The following OXT variants were observed in gnomAD, a reference collection of about 807,000 sequenced individuals.
OXT encodes oxytocin/neurophysin I prepropeptide.
OXT carries 9 observed loss-of-function variants against 11.2 expected under a neutral mutation model. The observed-to-expected ratio is 0.80, with a 90% CI of 0.49 to 1.40. The LOEUF is 1.40. Ranked by LOEUF, OXT falls within the 40% of genes most tolerant of loss-of-function variation. The probability of loss-of-function intolerance (pLI) is 0.00; values close to 1 mark genes in which losing one functional copy is unlikely to be tolerated. For synonymous variants in OXT, 76 were observed against 80.9 expected, an observed-to-expected ratio of 0.94 and a Z score of 0.33; for missense variants, 175 against 178.7, an observed-to-expected ratio of 0.98 and a Z score of 0.12.
chr20:3,072,432 C>T lies in OXT; in HGVS notation c.*14C>T, dbSNP rs1346627403. The T allele has an allele frequency of 5.6e-6, 9 of 1,612,300 alleles. No individual in the cohort carries two copies. Among genetic ancestry groups the T allele is most frequent in the East Asian group, 2.2e-5 (1 of 44,886 alleles). On this transcript the variant is annotated 3_prime_UTR_variant, in exon 3 of 3. Coordinates refer to ENST00000217386, the MANE Select transcript of OXT (RefSeq NM_000915.4). ...TCCCAGCGCTGAAACTTGATGGCTC[C>T]GAACACCCTCGAAGCGCGCCACTCG...
At chr20:3,072,038 C>G (rs889163417) in intron 1 of OXT, 39 bp from the exon 2 acceptor site, 1 of 1,481,048 alleles carries the variant, frequency 6.8e-7, no homozygotes, top group Non-Finnish European at 8.9e-7. Context: ...GAGTCCCCAG[C>G]GCCGCCCCGG....
At position 3,072,079 on chromosome 20, in the gene OXT, C is replaced by T. The variant is rs1376330955; in HGVS notation, c.123C>T (p.Cys41=). ...GCTCACCCCGCCCGTCCCCGCAGTG[C>T]CTCCCCTGCGGCCCCGGGGGCAAAG... ...RAAPDLDVRK[C]LPCGPGGKGR... is the part of the protein sequence containing the mutation. The change falls in exon 2 of 3, where the codon TGC becomes TGT. Residue 41 remains cysteine, a splice_region_variant and synonymous_variant. Transcript: ENST00000217386. 9 of 1,527,510 alleles carry T rather than the reference C, an allele frequency of 5.9e-6. No individual in the cohort carries two copies. The highest frequency in any genetic ancestry group is 1.4e-5 in the African/African-American group (1 of 70,322). 94.6% of individuals were successfully genotyped at this position (1,527,510 alleles called of 1,614,324 possible).
In OXT at chr20:3,071,634, C is replaced by G; in HGVS notation, c.-22C>G. The G allele has an allele frequency of 6.2e-7, 1 of 1,601,900 alleles. No individual in the cohort carries two copies. The highest frequency in any genetic ancestry group is 8.5e-7 in the Non-Finnish European group (1 of 1,178,668). On this transcript the variant is annotated 5_prime_UTR_variant, in exon 1 of 3. Coordinates refer to ENST00000217386, the MANE Select transcript of OXT (RefSeq NM_000915.4). The surrounding 1 kb of genome is among the most constrained non-coding windows in gnomAD (Gnocchi z 4.8). The stretch of plus-strand genomic sequence containing the variant: ...GAGAGACCGCCACCAGTCACGGACC[C>G]TGGACCCAGCGCACCCGCACCATGG...
Position 3,071,756 on chromosome 20 carries a change from C to A in OXT, c.101C>A (p.Pro34Gln). 2 of 1,577,370 alleles carry A rather than the reference C, an allele frequency of 1.3e-6. No individual in the cohort carries two copies. The change falls in exon 1 of 3, where the codon CCG becomes CAG. Residue 34 changes from proline (P) to glutamine (Q), a missense_variant. Pro to Gln is a moderately conservative substitution (Grantham distance 76). Transcript: ENST00000217386. This position sits in a 1 kb window ranked among gnomAD's most constrained non-coding sequence, Gnocchi z 4.8. ...CCCCTGGGAGGCAAGAGGGCCGCGC[C>A]GGACCTCGACGTGCGCAAGGTGAGT... ...NCPLGGKRAA[P>Q]DLDVRKCLPC...
At position 3,072,434 on chromosome 20, in the gene OXT, AACACCCTCGAAGCGCGC is replaced by A; in HGVS notation, c.*17_*33del. The A allele has an allele frequency of 6.2e-7, 1 of 1,612,554 alleles. No homozygotes were observed. Among genetic ancestry groups the A allele is most frequent in the South Asian group, 1.1e-5 (1 of 91,046 alleles). ...CCAGCGCTGAAACTTGATGGCTCCG[AACACCCTCGAAGCGCGC>A]CACTCGCTTCCCCCATAGCCACCCC... On this transcript the variant is annotated 3_prime_UTR_variant, in exon 3 of 3. Transcript: ENST00000217386.
chr20:3,071,638 A>T lies in OXT; in HGVS notation c.-18A>T. On this transcript the variant is annotated 5_prime_UTR_variant, in exon 1 of 3. Coordinates refer to ENST00000217386, the MANE Select transcript of OXT (RefSeq NM_000915.4). This position sits in a 1 kb window ranked among gnomAD's most constrained non-coding sequence, Gnocchi z 4.8. The stretch of plus-strand genomic sequence containing the variant: ...GACCGCCACCAGTCACGGACCCTGG[A>T]CCCAGCGCACCCGCACCATGGCCGG... 6.2e-7 allele frequency: 1 copy of T among 1,602,022 alleles called. No individual in the cohort carries two copies. The highest frequency in any genetic ancestry group is 1.1e-5 in the South Asian group (1 of 90,252).
Position 3,072,495 on chromosome 20 carries a change from A to G in OXT, c.*77A>G, listed in dbSNP as rs2066081631. ...CCACCCCAGAAATGGTGAAAATAAA[A>G]TAAAGCAGGTTTTTCTCCTCTACCT... On this transcript the variant is annotated 3_prime_UTR_variant, in exon 3 of 3. Transcript: ENST00000217386. The G allele has an allele frequency of 6.6e-7, 1 of 1,510,406 alleles. No homozygotes were observed. 93.6% of individuals were successfully genotyped at this position (1,510,406 alleles called of 1,614,324 possible). A position where few individuals can be genotyped will look rare whatever the true frequency, so the allele number is the denominator to read the frequency against.
intron 2 of OXT, 22 bp downstream of exon 2, chr20:3,072,300 G>C (rs1410263600): frequency 2.5e-6 from 4 of 1,594,216 alleles, no homozygotes; most frequent in East Asian, 4.5e-5. Flanking sequence ...AAGGCGCTCC[G>C]GGGCCAGGGG....
At position 3,072,139 on chromosome 20, in the gene OXT, A is replaced by C; in HGVS notation, c.183A>C (p.Glu61Asp). 4 of 1,586,708 alleles carry C rather than the reference A, an allele frequency of 2.5e-6. No homozygotes were observed. Among genetic ancestry groups the C allele is most frequent in the Non-Finnish European group, 3.4e-6 (4 of 1,173,734 alleles). Residue 61 changes from glutamate to aspartate, a missense_variant, in exon 2 of 3, where the codon GAA becomes GAC. By Grantham distance (45) the Glu-to-Asp change is conservative (BLOSUM62 2). Coordinates refer to ENST00000217386, the MANE Select transcript of OXT (RefSeq NM_000915.4). ...RCFGPNICCA[E>D]ELGCFVGTAE... ...TCGGGCCCAATATCTGCTGCGCGGA[A>C]GAGCTGGGCTGCTTCGTGGGCACCG...
At position 3,071,795 on chromosome 20, in the gene OXT, C is replaced by T. The variant is rs1231719003; in HGVS notation, c.120+20C>T. The T allele has an allele frequency of 1.9e-6, 3 of 1,551,310 alleles. No homozygotes were observed. Among genetic ancestry groups the T allele is most frequent in the Non-Finnish European group, 2.6e-6 (3 of 1,154,540 alleles). On this transcript the variant is annotated intron_variant, in intron 1 of 2. Transcript: ENST00000217386. This position sits in a 1 kb window ranked among gnomAD's most constrained non-coding sequence, Gnocchi z 4.8. ...CGCAAGGTGAGTCCCCAGCCCTGGT[C>T]CCGCGGCGCTCCGGGGAGGGAGGGA...
rs1227209257 is a variant in OXT at position 3,072,422 on chromosome 20, T to C, written c.*4T>C. ...AGCCACCTTCTCCCAGCGCTGAAAC[T>C]TGATGGCTCCGAACACCCTCGAAGC... On this transcript the variant is annotated 3_prime_UTR_variant, in exon 3 of 3. Transcript: ENST00000217386. 1.2e-6 allele frequency: 2 copies of C among 1,612,878 alleles called. No individual in the cohort carries two copies. The highest frequency in any genetic ancestry group is 8.5e-7 in the Non-Finnish European group (1 of 1,179,976).
Position 3,072,061 on chromosome 20 carries a change from C to A in OXT, c.121-16C>A, listed in dbSNP as rs771807803. On this transcript the variant is annotated splice_polypyrimidine_tract_variant and intron_variant, in intron 1 of 2. Transcript: ENST00000217386. ...AGCGCCGCCCCGGCTCCCGCTCACC[C>A]CGCCCGTCCCCGCAGTGCCTCCCCT... is the stretch of plus-strand genomic sequence containing the variant. The A allele has an allele frequency of 9.9e-6, 15 of 1,507,758 alleles. No individual in the cohort carries two copies. In the African/African-American group the frequency reaches 2.2e-4, roughly 22 times the overall value. 93.4% of individuals were successfully genotyped at this position (1,507,758 alleles called of 1,614,324 possible).
Position 3,072,506 on chromosome 20 carries a change from T to G in OXT, c.*88T>G, listed in dbSNP as rs1387889868. The G allele has an allele frequency of 1.4e-6, 2 of 1,409,242 alleles. No individual in the cohort carries two copies. The highest frequency in any genetic ancestry group is 3.5e-5 in the Admixed American group (2 of 57,782). The allele number at this position is 1,409,242 out of a possible 1,614,324, so 87.3% of individuals were successfully genotyped here. A position where few individuals can be genotyped will look rare whatever the true frequency, so the allele number is the denominator to read the frequency against. On this transcript the variant is annotated 3_prime_UTR_variant, in exon 3 of 3. Coordinates refer to ENST00000217386, the MANE Select transcript of OXT (RefSeq NM_000915.4). The stretch of plus-strand genomic sequence containing the variant: ...ATGGTGAAAATAAAATAAAGCAGGT[T>G]TTTCTCCTCTACCTTGACTCGTGTC...
rs2066075427 is a variant in OXT at position 3,071,675 on chromosome 20, C to T, written c.20C>T (p.Ala7Val). 2 of 1,600,642 alleles carry T rather than the reference C, an allele frequency of 1.2e-6. No individual in the cohort carries two copies. Among genetic ancestry groups the T allele is most frequent in the Non-Finnish European group, 8.5e-7 (1 of 1,177,334 alleles). Residue 7 changes from alanine to valine, a missense_variant, in exon 1 of 3, where the codon GCT (alanine) becomes GTT (valine). Physicochemically the swap from Ala to Val is moderately conservative, Grantham distance 64. Transcript: ENST00000217386. This position sits in a 1 kb window ranked among gnomAD's most constrained non-coding sequence, Gnocchi z 4.8. ...CGCACCATGGCCGGCCCCAGCCTCG[C>T]TTGCTGTCTGCTCGGCCTCCTGGCG... MAGPSL[A>V]CCLLGLLALT...
chr20:3,072,307 G>A (rs6051569), intron 2 of OXT, 29 bp downstream of exon 2: 10 of 1,559,938 alleles, frequency 6.4e-6, no homozygotes, highest in African/African-American at 1.4e-5. Flanking sequence ...TCCGGGGCCA[G>A]GGGGAGGCGG....
In OXT at chr20:3,072,465, C is replaced by A; in HGVS notation, c.*47C>A. Reference sequence around the variant, plus strand: ...CTCGAAGCGCGCCACTCGCTTCCCCCATAGCCACCCCAGAAATGGTGAAAA... The same window carrying A: ...CTCGAAGCGCGCCACTCGCTTCCCCAATAGCCACCCCAGAAATGGTGAAAA... On this transcript the variant is annotated 3_prime_UTR_variant, in exon 3 of 3. Coordinates refer to ENST00000217386, the MANE Select transcript of OXT (RefSeq NM_000915.4). 3 of 1,576,130 alleles carry A rather than the reference C, an allele frequency of 1.9e-6. No homozygotes were observed. Among genetic ancestry groups the A allele is most frequent in the Non-Finnish European group, 1.7e-6 (2 of 1,147,072 alleles).
intron 1 of OXT, 28 bp from the exon 2 acceptor site, chr20:3,072,049 C>T (rs747745164): frequency 6.7e-6 from 10 of 1,493,612 alleles, no homozygotes; most frequent in Non-Finnish European, 8.9e-6. Flanking sequence ...GCCGCCCCGG[C>T]TCCCGCTCAC....
In OXT at chr20:3,072,351, C is replaced by A; in HGVS notation, c.323-12C>A. 3.1e-6 allele frequency: 5 copies of A among 1,608,492 alleles called. No individual in the cohort carries two copies. The South Asian group carries it at 5.5e-5, about 18-fold the overall frequency. ...GCGGCCGGGATTCCCCTGACTCCAC[C>A]TCTTCCTCCAGACGGCTGCCACGCC... is the stretch of plus-strand genomic sequence containing the variant. On this transcript the variant is annotated splice_polypyrimidine_tract_variant and intron_variant, in intron 2 of 2. Coordinates refer to ENST00000217386, the MANE Select transcript of OXT (RefSeq NM_000915.4).
At position 3,071,878 on chromosome 20, in the gene OXT, G is replaced by A. The variant is rs1334720709; in HGVS notation, c.120+103G>A. On this transcript the variant is annotated intron_variant, in intron 1 of 2. Transcript: ENST00000217386. This position sits in a 1 kb window ranked among gnomAD's most constrained non-coding sequence, Gnocchi z 4.8. ...CTCGCCTGAGAACTCCAGGAGCTGA[G>A]CGGATTTTGACGCCCCGCCCTTGAC... 10 of 1,430,276 alleles carry A rather than the reference G, an allele frequency of 7.0e-6. 1 individual carries two copies. In the African/African-American group the frequency reaches 1.5e-4, roughly 21 times the overall value. 88.6% of individuals were successfully genotyped at this position (1,430,276 alleles called of 1,614,324 possible).
Sources: allele counts gnomAD v4.1 joint callset, GRCh38; gene constraint gnomAD v4.1.1; non-coding constraint Gnocchi (gnomAD v3.1); transcripts MANE v1.5; gene names NCBI Gene and HGNC (gene_info 2026-07-23, HGNC 2026-07-21).